MUSK: variants seen among roughly 807,000 people sequenced by gnomAD.
MUSK encodes the protein muscle, skeletal receptor tyrosine-protein kinase.
A neutral mutation model predicts 88.7 loss-of-function variants in MUSK; 55 were observed. The observed-to-expected ratio is 0.62, with a 90% confidence interval of 0.50 to 0.78. MUSK has a LOEUF of 0.78. Among genes scored for constraint, MUSK ranks in the 30% least tolerant of loss-of-function variants. The pLI is 0.00. For synonymous variants in MUSK, 387 were observed against 391.9 expected (o/e 0.99, Z 0.15); for missense variants, 1,015 against 1,074.3 (o/e 0.94, Z 0.77).
chr9:110,694,215 C>CAAAAAAAAAAAAAA (rs1217917603), intron 3 of MUSK, among the ~76,000 whole-genome samples: 2 of 72,080 alleles, frequency 2.8e-5, no homozygotes, highest in African/African-American at 5.4e-5. Context: ...ACTAAAAATA[C>CAAAAAAAAAAAAAA]AAAAAAAAAA....
chr9:110,775,645 T>TA (rs1295661389), intron 9 of MUSK, 143 bp from the exon 10 acceptor site: 6 of 716,460 alleles, frequency 8.4e-6, no homozygotes, highest in Non-Finnish European at 1.2e-5. Context: ...TTATTTACAG[T>TA]AAAAAGTTTC....
At chr9:110,697,276 C>G in intron 4 of MUSK, 49 bp from the exon 5 acceptor site, 2 of 1,596,412 alleles carry the variant, frequency 1.3e-6, no homozygotes, top group Non-Finnish European at 1.7e-6. Flanking sequence ...CAAATGTATC[C>G]TTGATAGACC....
At chr9:110,701,890 T>G (rs1053463270) in intron 5 of MUSK, among the ~76,000 whole-genome samples, 1 of 113,366 alleles carries the variant, frequency 8.8e-6, no homozygotes, top group Admixed American at 1.1e-4. Context: ...TTTTATTTTA[T>G]TTTATTTTAT....
At chr9:110,764,470 C>G (rs1018865605) in intron 8 of MUSK, among the ~76,000 whole-genome samples, 1 of 152,060 alleles carries the variant, frequency 6.6e-6, no homozygotes, top group African/African-American at 2.4e-5. Context: ...AATTTGATCA[C>G]TGTGTAAAAT....
chr9:110,708,510 GA>G (rs1196325462), intron 5 of MUSK, among the ~76,000 whole-genome samples: 11 of 152,106 alleles, frequency 7.2e-5, no homozygotes, highest in African/African-American at 2.7e-4. Context: ...ACCAAACAAA[GA>G]AAAAAATCAC....
chr9:110,681,767 T>G lies in MUSK; in HGVS notation c.80-907T>G, dbSNP rs906174044. Among the ~76,000 whole-genome samples, 5 of 152,248 alleles carry G rather than the reference T, an allele frequency of 3.3e-5. No homozygotes were observed. In the South Asian group the frequency reaches 1.0e-3, roughly 32 times the overall value. ...TAATAAGGTTTATTCAGAAAGTGGA[T>G]GTATCTTTTATGGCCAAACAACGTG... On this transcript the variant is annotated intron_variant, in intron 1 of 14. Coordinates refer to ENST00000374448, the MANE Select transcript of MUSK (RefSeq NM_005592.4).
At chr9:110,755,350 T>C (rs942575277) in intron 7 of MUSK, among the ~76,000 whole-genome samples, 1 of 152,290 alleles carries the variant, frequency 6.6e-6, no homozygotes, top group African/African-American at 2.4e-5. Context: ...AAGTGCATTG[T>C]AGATTGCAGA....
chr9:110,782,233 G>C (rs1431034686), intron 11 of MUSK, among the ~76,000 whole-genome samples: 2 of 152,144 alleles, frequency 1.3e-5, no homozygotes, highest in East Asian at 3.9e-4. Flanking sequence ...AAATTGGTGA[G>C]AGAAAAGATA....
intron 9 of MUSK, among the ~76,000 whole-genome samples, chr9:110,770,029 T>A (rs1254046153): frequency 6.6e-6 from 1 of 152,002 alleles, no homozygotes; most frequent in Non-Finnish European, 1.5e-5. Context: ...ACTACTGAGG[T>A]GTGTGTTTAC....
In MUSK at chr9:110,707,987, T is replaced by C. The variant is rs139638073; in HGVS notation, c.628+10521T>C. ...TCTGAAAGGCTGCACTATCTACCCT[T>C]AAGGCCAACAAATCTATTCAGAAAC... On this transcript the variant is annotated intron_variant, in intron 5 of 14. Coordinates refer to ENST00000374448, the MANE Select transcript of MUSK (RefSeq NM_005592.4). Among the ~76,000 whole-genome samples the C allele has an allele frequency of 1.3e-3, 203 of 152,274 alleles. 1 individual carries two copies. Among genetic ancestry groups the C allele is most frequent in the African/African-American group, 4.4e-3 (184 of 41,570 alleles).
At chr9:110,790,872 G>A (rs144493022) in intron 14 of MUSK, among the ~76,000 whole-genome samples, 1 of 152,302 alleles carries the variant, frequency 6.6e-6, no homozygotes, top group African/African-American at 2.4e-5. Flanking sequence ...TTATCCAAAT[G>A]CTGCCAGCTG....
At position 110,762,231 on chromosome 9, in the gene MUSK, AT is replaced by A. The variant is rs147974075; in HGVS notation, c.920+25del. The A allele has an allele frequency of 0.44, 629,584 of 1,425,480 alleles. 145,073 individuals carry two copies. Among genetic ancestry groups the A allele is most frequent in the Middle Eastern group, 0.49 (2,658 of 5,398 alleles). 88.3% of individuals were successfully genotyped at this position (1,425,480 alleles called of 1,614,324 possible). ...GAGGTAAGAAACTGTTATTGTAACAATTGTTTCCAATGTTTTGTTTTGTAGG... is the reference window on the plus strand; with the variant it reads ...GAGGTAAGAAACTGTTATTGTAACAATGTTTCCAATGTTTTGTTTTGTAGG... On this transcript the variant is annotated intron_variant, in intron 8 of 14. Coordinates refer to ENST00000374448, the MANE Select transcript of MUSK (RefSeq NM_005592.4).
chr9:110,735,838 A>G (rs2077024426), intron 6 of MUSK, among the ~76,000 whole-genome samples: 1 of 152,082 alleles, frequency 6.6e-6, no homozygotes, highest in African/African-American at 2.4e-5. Flanking sequence ...AGCAGGAAGG[A>G]GAGGAAAGGT....
At chr9:110,775,724 C>G in intron 9 of MUSK, 64 bp from the exon 10 acceptor site, 1 of 1,462,992 alleles carries the variant, frequency 6.8e-7, no homozygotes, top group Non-Finnish European at 9.6e-7. Flanking sequence ...AATTTAGGCT[C>G]TGCCACAAAT....
intron 4 of MUSK, 65 bp downstream of exon 4, chr9:110,695,595 CA>C: frequency 8.2e-7 from 1 of 1,218,610 alleles, no homozygotes; most frequent in Non-Finnish European, 1.1e-6. Context: ...TTTCTTTACA[CA>C]CTCAGTTACA....
At chr9:110,769,362 T>A (rs762629534) in intron 9 of MUSK, among the ~76,000 whole-genome samples, 8 of 152,258 alleles carry the variant, frequency 5.3e-5, no homozygotes, top group Admixed American at 2.6e-4. Flanking sequence ...AAGAGTAATA[T>A]AATTTGTTTA....
In MUSK at chr9:110,803,572, G is replaced by A. The variant is rs535401505; in HGVS notation, c.*2584G>A. Among the ~76,000 whole-genome samples, 13 of 152,210 alleles carry A rather than the reference G, an allele frequency of 8.5e-5. No individual in the cohort carries two copies. Among genetic ancestry groups the A allele is most frequent in the Admixed American group, 3.9e-4 (6 of 15,296 alleles). On this transcript the variant is annotated 3_prime_UTR_variant, in exon 15 of 15. Coordinates refer to ENST00000374448, the MANE Select transcript of MUSK (RefSeq NM_005592.4). ...GGAAGTGATTTGTAATTTGCATGTC[G>A]TTTCAAGCACACTCTATATCTATAT...
At position 110,787,774 on chromosome 9, in the gene MUSK, G is replaced by A. The variant is rs368049319; in HGVS notation, c.1863G>A (p.Ala621=). Residue 621 remains alanine (A), a synonymous_variant, in exon 14 of 15, where the codon GCG becomes GCA. Coordinates refer to ENST00000374448, the MANE Select transcript of MUSK (RefSeq NM_005592.4). ...LKEEASADMQ[A]DFQREAALMA... The stretch of plus-strand genomic sequence containing the variant: ...AAGAAGCCTCGGCAGATATGCAAGC[G>A]GACTTTCAGAGGGAGGCAGCCCTCA... The A allele has an allele frequency of 8.6e-5, 138 of 1,613,566 alleles. 1 individual carries two copies. The highest frequency in any genetic ancestry group is 5.5e-4 in the South Asian group (50 of 90,994).
chr9:110,695,370 C>T, intron 3 of MUSK, 33 bp from the exon 4 acceptor site: 1 of 1,394,320 alleles, frequency 7.2e-7, no homozygotes, highest in Non-Finnish European at 9.7e-7. Flanking sequence ...AGCCATATTG[C>T]CTTATTTATT....
Sources: gnomAD v4.1 joint callset for allele counts (sites outside exome capture counted in the v4.1 genomes callset) on GRCh38, gnomAD v4.1.1 for gene constraint, MANE v1.5 for transcripts, NCBI Gene and HGNC (gene_info 2026-07-23, HGNC 2026-07-21) for gene names.